LSG1: variants seen among roughly 807,000 people sequenced by gnomAD.
LSG1 encodes the protein large subunit GTPase 1 homolog.
A neutral mutation model predicts 82.6 loss-of-function variants in LSG1; 55 were observed. The observed-to-expected ratio is 0.67, with a 90% CI of 0.54 to 0.83. The LOEUF (loss-of-function observed/expected upper bound fraction) is 0.83, where lower values mean the gene tolerates loss of function less well. Among genes scored for constraint, LSG1 ranks in the 40% least tolerant of loss-of-function variants. The pLI is 0.00. For missense variants in LSG1, 809 were observed against 807.9 expected (o/e 1.00, Z -0.02); for synonymous variants, 272 against 282.5 (o/e 0.96, Z 0.37).
intron 10 of LSG1, among the ~76,000 whole-genome samples, chr3:194,650,225 T>A: frequency 6.6e-6 from 1 of 152,234 alleles, no homozygotes; most frequent in East Asian, 1.9e-4. Flanking sequence ...GGCCCCTGCA[T>A]AGTTCTTAAC....
chr3:194,663,141 T>C (rs1038838217), intron 5 of LSG1, among the ~76,000 whole-genome samples: 1 of 152,230 alleles, frequency 6.6e-6, no homozygotes, highest in African/African-American at 2.4e-5. Flanking sequence ...AGGTCCGGGC[T>C]GCAGTACTTC....
At position 194,671,961 on chromosome 3, in the gene LSG1, G is replaced by A. The variant is rs1013670764; in HGVS notation, c.99+103C>T. The A allele has an allele frequency of 3.8e-6, 4 of 1,045,456 alleles. No individual in the cohort carries two copies. The East Asian group carries it at 9.9e-5, about 26-fold the overall frequency. 64.8% of individuals were successfully genotyped at this position (1,045,456 alleles called of 1,614,324 possible). ...ACTCCAACTCATCCTTCAAAACCCGGCTGAGGCGTCCCTCCTGCAAAACTT... is the reference window on the plus strand; with the variant it reads ...ACTCCAACTCATCCTTCAAAACCCGACTGAGGCGTCCCTCCTGCAAAACTT... On this transcript the variant is annotated intron_variant, in intron 1 of 13. Transcript: ENST00000265245.
intron 12 of LSG1, chr3:194,645,108 T>C (rs1271714846): frequency 1.2e-5 from 2 of 161,054 alleles, no homozygotes; most frequent in African/African-American, 4.8e-5. Flanking sequence ...CGGGTTAGAC[T>C]GTTAAAGTCA....
intron 7 of LSG1, among the ~76,000 whole-genome samples, chr3:194,657,348 C>T (rs1295792242): frequency 6.6e-6 from 1 of 151,926 alleles, no homozygotes; most frequent in African/African-American, 2.4e-5. Context: ...ATGAACTCTA[C>T]CTTGGTACTA....
chr3:194,644,802 G>A, intron 12 of LSG1, 56 bp from the exon 13 acceptor site: 1 of 1,444,996 alleles, frequency 6.9e-7, no homozygotes. Context: ...TGTGGCCTCA[G>A]AGGAGACAGC....
At chr3:194,650,282 G>A (rs1718647595) in intron 10 of LSG1, among the ~76,000 whole-genome samples, 1 of 152,156 alleles carries the variant, frequency 6.6e-6, no homozygotes, top group Admixed American at 6.5e-5. Context: ...TGTCCTAGAT[G>A]CTTTATGTAA....
At chr3:194,666,051 T>C (rs1719022927) in intron 4 of LSG1, 152 bp downstream of exon 4, 2 of 672,330 alleles carry the variant, frequency 3.0e-6, no homozygotes, top group Admixed American at 2.7e-5. Context: ...GCAATCTTGT[T>C]TGTGCATACA....
chr3:194,672,128 A>T lies in LSG1; in HGVS notation c.35T>A (p.Leu12Gln). The T allele has an allele frequency of 6.2e-7, 1 of 1,607,194 alleles. No individual in the cohort carries two copies. Among genetic ancestry groups the T allele is most frequent in the East Asian group, 2.2e-5 (1 of 44,876 alleles). Reference sequence around the variant, plus strand: ...CTGATGGCGCATAAGGGCCCGTCCCAGCGACCCACCGGCCGGGGCTCTCCT... The same window carrying T: ...CTGATGGCGCATAAGGGCCCGTCCCTGCGACCCACCGGCCGGGGCTCTCCT... ...GRRRAPAGGS[L>Q]GRALMRHQTQ... Residue 12 changes from leucine (L) to glutamine (Q), a missense_variant, in exon 1 of 14, where the codon CTG (leucine) becomes CAG (glutamine). Transcript: ENST00000265245.
chr3:194,668,500 CAGG>C (rs1719077881), intron 2 of LSG1, among the ~76,000 whole-genome samples: 1 of 152,096 alleles, frequency 6.6e-6, no homozygotes, highest in Non-Finnish European at 1.5e-5. Context: ...CTGTGAAACC[CAGG>C]AGTTTATTTT....
intron 7 of LSG1, among the ~76,000 whole-genome samples, chr3:194,657,568 G>C (rs552686509): frequency 6.7e-6 from 1 of 149,856 alleles, no homozygotes; most frequent in East Asian, 2.0e-4. Context: ...CTGAATTAAT[G>C]TGACTATCCT....
At chr3:194,664,456 G>A (rs1255426191) in intron 5 of LSG1, among the ~76,000 whole-genome samples, 1 of 152,090 alleles carries the variant, frequency 6.6e-6, no homozygotes, top group East Asian at 1.9e-4. Flanking sequence ...AACTCTTTGA[G>A]GAAAACAGAA....
At position 194,658,915 on chromosome 3, in the gene LSG1, A is replaced by AG. The variant is rs781191117; in HGVS notation, c.759+41_759+42insC. On this transcript the variant is annotated intron_variant, in intron 7 of 13. Coordinates refer to ENST00000265245, the MANE Select transcript of LSG1 (RefSeq NM_018385.3). The stretch of plus-strand genomic sequence containing the variant: ...CGAAGCACATTAACAAGAAATCAAA[A>AG]TTCCCTCTTTGAAAGCCAACCTAAA... The AG allele has an allele frequency of 4.7e-6, 7 of 1,482,414 alleles. 1 individual carries two copies. The South Asian group carries it at 8.6e-5, about 18-fold the overall frequency. The allele number at this position is 1,482,414 out of a possible 1,614,324, so 91.8% of individuals were successfully genotyped here.
At chr3:194,667,943 ATATATAT>A (rs1474190622) in intron 2 of LSG1, among the ~76,000 whole-genome samples, 58 of 62,254 alleles carry the variant, frequency 9.3e-4, no homozygotes, top group African/African-American at 2.0e-3. Context: ...AAAAAAAAAA[ATATATAT>A]ATATATATAT....
In LSG1 at chr3:194,641,033, A is replaced by C. The variant is rs1262174700; in HGVS notation, c.*1035T>G. 6.6e-6 allele frequency: 1 copy of C among 152,176 alleles called. No individual in the cohort carries two copies. Among genetic ancestry groups the C allele is most frequent in the African/African-American group, 2.4e-5 (1 of 41,438 alleles). The allele number at this position is 152,176 out of a possible 1,614,324, so 9.4% of individuals were successfully genotyped here. A position where few individuals can be genotyped will look rare whatever the true frequency, so the allele number is the denominator to read the frequency against. ...AACAGCACTGAGCGGGTGGTGCTAA[A>C]CCGTTCGTGAGGACTCTGCCCCATA... On this transcript the variant is annotated 3_prime_UTR_variant, in exon 14 of 14. Coordinates refer to ENST00000265245, the MANE Select transcript of LSG1 (RefSeq NM_018385.3).
Position 194,640,992 on chromosome 3 carries a change from G to A in LSG1, c.*1076C>T, listed in dbSNP as rs922155895. The A allele has an allele frequency of 2.0e-5, 3 of 152,202 alleles. No individual in the cohort carries two copies. The highest frequency in any genetic ancestry group is 4.4e-5 in the Non-Finnish European group (3 of 68,116). The allele number at this position is 152,202 out of a possible 1,614,324, so 9.4% of individuals were successfully genotyped here. The stretch of plus-strand genomic sequence containing the variant: ...CTTTGAAGCAACCAGATGTGATGAG[G>A]ACTCAATATCAGGAGAACAGCACTG... On this transcript the variant is annotated 3_prime_UTR_variant, in exon 14 of 14. Coordinates refer to ENST00000265245, the MANE Select transcript of LSG1 (RefSeq NM_018385.3).
At chr3:194,653,178 C>T (rs746850127) in intron 7 of LSG1, 36 bp from the exon 8 acceptor site, 1 of 1,574,812 alleles carries the variant, frequency 6.3e-7, no homozygotes, top group African/African-American at 1.4e-5. Flanking sequence ...AAGTATATAA[C>T]TGCAGTTTCC....
At position 194,672,168 on chromosome 3, in the gene LSG1, C is replaced by A. The variant is rs756925217; in HGVS notation, c.-6G>T. ...GGGGCTCTCCTCCGGCCCATGGCAA[C>A]ACGACCGCTGGACGAAGCTTCCCGG... On this transcript the variant is annotated 5_prime_UTR_variant, in exon 1 of 14. Coordinates refer to ENST00000265245, the MANE Select transcript of LSG1 (RefSeq NM_018385.3). 1.3e-6 allele frequency: 2 copies of A among 1,594,726 alleles called. No individual in the cohort carries two copies. Among genetic ancestry groups the A allele is most frequent in the Non-Finnish European group, 1.7e-6 (2 of 1,174,138 alleles).
chr3:194,671,932 A>AAG, intron 1 of LSG1, 132 bp downstream of exon 1: 1 of 788,960 alleles, frequency 1.3e-6, no homozygotes, highest in South Asian at 1.5e-5. Context: ...TCAGCTTGGC[A>AAG]GAAACTCCAA....
At chr3:194,656,698 C>T (rs1017319136) in intron 7 of LSG1, among the ~76,000 whole-genome samples, 45 of 152,044 alleles carry the variant, frequency 3.0e-4, no homozygotes, top group African/African-American at 9.6e-4. Flanking sequence ...CACATGCACA[C>T]GTATGTTTAT....
Sources: gnomAD v4.1 joint callset for allele counts (sites outside exome capture counted in the v4.1 genomes callset) on GRCh38, gnomAD v4.1.1 for gene constraint, MANE v1.5 for transcripts, NCBI Gene and HGNC (gene_info 2026-07-23, HGNC 2026-07-21) for gene names.